The following ABCA13 variants were observed in gnomAD, a reference collection of about 807,000 sequenced individuals.
ABCA13 encodes the protein ATP binding cassette subfamily A member 13.
A neutral mutation model predicts 478.7 loss-of-function variants in ABCA13; 476 were observed. The observed-to-expected ratio is 0.99, with a 90% CI of 0.92 to 1.07. ABCA13 has a LOEUF of 1.07. Among genes scored for constraint, ABCA13 ranks in the 50% least tolerant of loss-of-function variants. ABCA13 has a pLI of 0.00. For synonymous variants in ABCA13, 2,252 were observed against 2,158.9 expected, an observed-to-expected ratio of 1.04 and a Z score of -1.20; for missense variants, 6,060 against 5,910.6, an observed-to-expected ratio of 1.03 and a Z score of -0.83.
At position 48,335,038 on chromosome 7, in the gene ABCA13, C is replaced by A. The variant is rs1349830719; in HGVS notation, c.10000-384C>A. On this transcript the variant is annotated intron_variant, in intron 27 of 61. Coordinates refer to ENST00000435803, the MANE Select transcript of ABCA13 (RefSeq NM_152701.5). ...AATGAAAAAATATACCAATTTTATT[C>A]TATCCTCAATAGTGTTGGGTACCAT... is the stretch of plus-strand genomic sequence containing the variant. Among the ~76,000 whole-genome samples the A allele has an allele frequency of 6.6e-5, 10 of 152,284 alleles. No homozygotes were observed. The East Asian group carries it at 1.9e-3, about 29-fold the overall frequency.
chr7:48,641,284 C>T (rs1300945823), intron 59 of ABCA13, among the ~76,000 whole-genome samples: 1 of 152,146 alleles, frequency 6.6e-6, no homozygotes. Context: ...ATAATGCTTC[C>T]TATTCATGTT....
chr7:48,397,458 TA>T (rs571774692), intron 38 of ABCA13, among the ~76,000 whole-genome samples: 378 of 147,576 alleles, frequency 2.6e-3, no homozygotes, highest in Non-Finnish European at 4.1e-3. Context: ...CTCCTTATAA[TA>T]AAAAAAATTA....
At chr7:48,201,674 C>T (rs988031196) in intron 3 of ABCA13, among the ~76,000 whole-genome samples, 7 of 152,142 alleles carry the variant, frequency 4.6e-5, no homozygotes, top group Non-Finnish European at 1.0e-4. Flanking sequence ...GAGCAGAGAT[C>T]GCACCACTAA....
intron 3 of ABCA13, among the ~76,000 whole-genome samples, chr7:48,204,923 C>T (rs1784733166): frequency 6.6e-6 from 1 of 152,178 alleles, no homozygotes; most frequent in Admixed American, 6.5e-5. Context: ...AGCTCCTGAG[C>T]CCAGAGTCTC....
chr7:48,409,240 C>T (rs372585204), intron 39 of ABCA13, among the ~76,000 whole-genome samples: 70 of 152,256 alleles, frequency 4.6e-4, no homozygotes, highest in African/African-American at 1.1e-3. Context: ...TAGGGAGTGT[C>T]GAAGCTAAAA....
At chr7:48,518,345 G>T (rs898275489) in intron 52 of ABCA13, among the ~76,000 whole-genome samples, 2 of 152,162 alleles carry the variant, frequency 1.3e-5, no homozygotes, top group Non-Finnish European at 2.9e-5. Context: ...TGAAAGCAGA[G>T]AGCTTCCCTG....
At chr7:48,316,508 A>G (rs1802605479) in intron 26 of ABCA13, among the ~76,000 whole-genome samples, 1 of 152,252 alleles carries the variant, frequency 6.6e-6, no homozygotes, top group African/African-American at 2.4e-5. Context: ...TGAACATAGC[A>G]TGAAGTTTCT....
chr7:48,425,669 C>A (rs893735997), intron 41 of ABCA13, among the ~76,000 whole-genome samples: 1 of 152,200 alleles, frequency 6.6e-6, no homozygotes, highest in Admixed American at 6.5e-5. Flanking sequence ...ACATGCCAGG[C>A]ATCGTTTTTA....
chr7:48,333,668 G>A (rs1319011814), intron 27 of ABCA13, among the ~76,000 whole-genome samples: 1 of 152,092 alleles, frequency 6.6e-6, no homozygotes, highest in Non-Finnish European at 1.5e-5. Context: ...TTTAATTTTG[G>A]TTTATCTGAT....
intron 56 of ABCA13, among the ~76,000 whole-genome samples, chr7:48,580,971 C>G (rs1788648801): frequency 6.6e-6 from 1 of 152,124 alleles, no homozygotes; most frequent in Admixed American, 6.6e-5. Flanking sequence ...GAGCAAAAGA[C>G]AGCTGCCACT....
At chr7:48,628,832 C>A (rs1347623070) in intron 59 of ABCA13, among the ~76,000 whole-genome samples, 1 of 152,184 alleles carries the variant, frequency 6.6e-6, no homozygotes, top group African/African-American at 2.4e-5. Context: ...TAGTACATGG[C>A]AGCTTTTTGC....
chr7:48,321,629 T>G (rs368211389), intron 27 of ABCA13, among the ~76,000 whole-genome samples: 1 of 152,182 alleles, frequency 6.6e-6, no homozygotes, highest in African/African-American at 2.4e-5. Flanking sequence ...CTGACATCCA[T>G]GTCCTGAGCC....
intron 23 of ABCA13, among the ~76,000 whole-genome samples, chr7:48,309,145 T>G (rs1203385542): frequency 6.6e-6 from 1 of 151,696 alleles, no homozygotes; most frequent in Non-Finnish European, 1.5e-5. Context: ...GAACATTTTA[T>G]GGCATCTGTT....
At position 48,350,831 on chromosome 7, in the gene ABCA13, A is replaced by G. The variant is rs1411281158; in HGVS notation, c.10381+12A>G. 4.4e-6 allele frequency: 7 copies of G among 1,607,120 alleles called. No individual in the cohort carries two copies. The highest frequency in any genetic ancestry group is 5.1e-6 in the Non-Finnish European group (6 of 1,175,600). On this transcript the variant is annotated intron_variant, in intron 30 of 61. Transcript: ENST00000435803. ...CAGCTTCTTGGCCAGTAAGTACTCA[A>G]TGAAAAAATATGTTCGCCAAGATGC...
chr7:48,587,816 A>G (rs1405317121), intron 57 of ABCA13, among the ~76,000 whole-genome samples: 2 of 152,220 alleles, frequency 1.3e-5, no homozygotes, highest in Non-Finnish European at 2.9e-5. Flanking sequence ...AGTTAATTTG[A>G]TTTGAATGAA....
At chr7:48,318,232 G>A (rs1040066544) in intron 27 of ABCA13, among the ~76,000 whole-genome samples, 2 of 152,168 alleles carry the variant, frequency 1.3e-5, no homozygotes, top group Non-Finnish European at 2.9e-5. Context: ...TCACAGCACT[G>A]TTTCCTGTAA....
rs892317099 is a variant in ABCA13, at chr7:48,601,276, G to A, written c.14744+6463G>A. The stretch of plus-strand genomic sequence containing the variant: ...AAGTTATGGGGTATGTGTGCAGAAC[G>A]TGCAGGTTTGTTACATAGGTATACA... On this transcript the variant is annotated intron_variant, in intron 58 of 61. Transcript: ENST00000435803. Among the ~76,000 whole-genome samples, 8 of 151,780 alleles carry A rather than the reference G, an allele frequency of 5.3e-5. No individual in the cohort carries two copies. In the East Asian group the frequency reaches 9.7e-4, roughly 18 times the overall value.
At chr7:48,305,938 T>C (rs1015095230) in intron 23 of ABCA13, among the ~76,000 whole-genome samples, 2 of 152,184 alleles carry the variant, frequency 1.3e-5, no homozygotes, top group Admixed American at 1.3e-4. Context: ...AGCATTAGCC[T>C]ATGCAAAGCC....
rs1445233079 is a variant in ABCA13 at position 48,520,974 on chromosome 7, G to GT, written c.14051+681dup. Among the ~76,000 whole-genome samples the GT allele has an allele frequency of 2.0e-5, 3 of 152,280 alleles. No individual in the cohort carries two copies. In the East Asian group the frequency reaches 5.8e-4, roughly 29 times the overall value. On this transcript the variant is annotated intron_variant, in intron 53 of 61. Coordinates refer to ENST00000435803, the MANE Select transcript of ABCA13 (RefSeq NM_152701.5). ...GCTGGATCTTGTTGCTTATGCTGCT[G>GT]TACTCTGATCTTTGTCAGGTGAGGT...
Sources: gnomAD v4.1 joint callset for allele counts (sites outside exome capture counted in the v4.1 genomes callset) on GRCh38, gnomAD v4.1.1 for gene constraint, MANE v1.5 for transcripts, NCBI Gene and HGNC (gene_info 2026-07-23, HGNC 2026-07-21) for gene names.